Variants in ADAMTS3 observed in about 807,000 individuals in gnomAD.
ADAMTS3 encodes A disintegrin and metalloproteinase with thrombospondin motifs 3.
In ADAMTS3, 73 loss-of-function variants were observed where a neutral mutation model predicts 129.0. That is an observed-to-expected ratio of 0.57 (90% CI 0.47 to 0.69). ADAMTS3 has a LOEUF of 0.69. Among genes scored for constraint, ADAMTS3 ranks in the 30% least tolerant of loss-of-function variants. ADAMTS3 has a pLI of 0.00. For synonymous variants in ADAMTS3, 477 were observed against 510.8 expected, an observed-to-expected ratio of 0.93 and a Z score of 0.89; for missense variants, 1,457 against 1,514.5, an observed-to-expected ratio of 0.96 and a Z score of 0.63.
chr4:72,541,613 G>A (rs1721325986), intron 3 of ADAMTS3, among the ~76,000 whole-genome samples: 1 of 152,150 alleles, frequency 6.6e-6, no homozygotes, highest in Non-Finnish European at 1.5e-5. Context: ...GTCATGGGAG[G>A]TACTCAGTGA....
In ADAMTS3 at chr4:72,302,942, A is replaced by G. The variant is rs568634329; in HGVS notation, c.2424+975T>C. ...GCTGAGGCTGAGATCTGTTAGCTCA[A>G]AAGCCCTCTGATGCCAAACACAAAC... On this transcript the variant is annotated intron_variant, in intron 17 of 21. Transcript: ENST00000286657. Among the ~76,000 whole-genome samples the G allele has an allele frequency of 9.9e-5, 15 of 152,238 alleles. No individual in the cohort carries two copies. In the South Asian group the frequency reaches 2.9e-3, roughly 29 times the overall value.
At chr4:72,355,924 A>T (rs1720570564) in intron 4 of ADAMTS3, among the ~76,000 whole-genome samples, 1 of 152,040 alleles carries the variant, frequency 6.6e-6, no homozygotes, top group Non-Finnish European at 1.5e-5. Flanking sequence ...GTATGCCTTC[A>T]TCCTATCTAC....
At chr4:72,373,656 T>C (rs1721067640) in intron 4 of ADAMTS3, among the ~76,000 whole-genome samples, 1 of 152,090 alleles carries the variant, frequency 6.6e-6, no homozygotes, top group Non-Finnish European at 1.5e-5. Flanking sequence ...CCTAGCACTT[T>C]GGGAGGCCAA....
At chr4:72,343,822 G>T (rs1302563511) in intron 4 of ADAMTS3, among the ~76,000 whole-genome samples, 2 of 152,152 alleles carry the variant, frequency 1.3e-5, no homozygotes, top group Non-Finnish European at 2.9e-5. Flanking sequence ...TTCCAAAAAG[G>T]TGATGCTCAC....
intron 4 of ADAMTS3, among the ~76,000 whole-genome samples, chr4:72,345,716 G>A (rs184893096): frequency 1.2e-4 from 18 of 152,128 alleles, no homozygotes; most frequent in African/African-American, 4.1e-4. Flanking sequence ...TAACATCCGT[G>A]TGTTTGCTTT....
intron 4 of ADAMTS3, among the ~76,000 whole-genome samples, chr4:72,340,327 GTGTGTGTGTGTATGTGTA>G (rs1476054853): frequency 6.6e-6 from 1 of 151,228 alleles, no homozygotes; most frequent in Non-Finnish European, 1.5e-5. Context: ...GTGTGTGTGT[GTGTGTGTGTGTATGTGTA>G]TGTGTGTGTG....
chr4:72,533,010 T>TA (rs1721084635), intron 3 of ADAMTS3, among the ~76,000 whole-genome samples: 1 of 152,166 alleles, frequency 6.6e-6, no homozygotes, highest in African/African-American at 2.4e-5. Flanking sequence ...AAATTTATTT[T>TA]AAAAATATTT....
Position 72,319,866 on chromosome 4 carries a change from C to G in ADAMTS3, c.1200G>C (p.Thr400=). ...FSSAFVVAHE[T]GHVLGMEHDG... is the part of the protein sequence containing the mutation. ...TGTCAGCAGTGACTTACACATGGCC[C>G]GTTTCATGGGCTACTACAAAAGCAG... is the stretch of plus-strand genomic sequence containing the variant. Residue 400 remains threonine, a synonymous_variant, in exon 8 of 22, where the codon ACG becomes ACC. Transcript: ENST00000286657. 6.2e-7 allele frequency: 1 copy of G among 1,612,964 alleles called. No individual in the cohort carries two copies. The highest frequency in any genetic ancestry group is 8.5e-7 in the Non-Finnish European group (1 of 1,179,104).
In ADAMTS3 at chr4:72,325,140, C is replaced by A. The variant is rs1719667552; in HGVS notation, c.862-2043G>T. 3.3e-5 allele frequency among the ~76,000 whole-genome samples: 5 copies of A among 152,026 alleles called. No homozygotes were observed. In the South Asian group the frequency reaches 1.0e-3, roughly 32 times the overall value. On this transcript the variant is annotated intron_variant, in intron 5 of 21. Coordinates refer to ENST00000286657, the MANE Select transcript of ADAMTS3 (RefSeq NM_014243.3). ...GAAAAGAAAAACAAGAATTAATAGC[C>A]TTCATATGGAAAAGGGGTTTGATTC...
intron 5 of ADAMTS3, among the ~76,000 whole-genome samples, chr4:72,336,382 A>C (rs1345903175): frequency 6.6e-6 from 1 of 152,224 alleles, no homozygotes; most frequent in Non-Finnish European, 1.5e-5. Context: ...CATGGCCAGC[A>C]AAGGAGATAG....
intron 5 of ADAMTS3, among the ~76,000 whole-genome samples, chr4:72,338,672 A>T (rs1375232473): frequency 6.6e-6 from 1 of 152,082 alleles, no homozygotes; most frequent in Non-Finnish European, 1.5e-5. Flanking sequence ...GTTGAGAGAT[A>T]GGGAAATAAA....
intron 3 of ADAMTS3, among the ~76,000 whole-genome samples, chr4:72,455,863 ATATACACTG>A (rs1173993792): frequency 4.0e-5 from 5 of 125,242 alleles, no homozygotes; most frequent in Non-Finnish European, 8.0e-5. Flanking sequence ...TATATATAGT[ATATACACTG>A]TATATACTAT....
chr4:72,542,338 G>C (rs564357568), intron 3 of ADAMTS3, among the ~76,000 whole-genome samples: 62 of 151,952 alleles, frequency 4.1e-4, no homozygotes, highest in African/African-American at 1.4e-3. Context: ...CTAATTTTTT[G>C]TATTTATAGT....
At chr4:72,417,450 C>T (rs565939975) in intron 3 of ADAMTS3, among the ~76,000 whole-genome samples, 36 of 152,174 alleles carry the variant, frequency 2.4e-4, no homozygotes, top group Admixed American at 1.1e-3. Flanking sequence ...CCCACTAAGC[C>T]ACAGGTAAAA....
At chr4:72,296,819 T>C (rs1194788379) in intron 18 of ADAMTS3, among the ~76,000 whole-genome samples, 1 of 152,144 alleles carries the variant, frequency 6.6e-6, no homozygotes, top group African/African-American at 2.4e-5. Context: ...GGCAATCCTT[T>C]TCCAGTCAAG....
intron 3 of ADAMTS3, among the ~76,000 whole-genome samples, chr4:72,464,783 T>C (rs1718873788): frequency 6.6e-6 from 1 of 152,080 alleles, no homozygotes; most frequent in South Asian, 2.1e-4. Flanking sequence ...TTCTATGAGA[T>C]AGTTTGGAAA....
chr4:72,418,651 T>C (rs1194963537), intron 3 of ADAMTS3, among the ~76,000 whole-genome samples: 1 of 152,232 alleles, frequency 6.6e-6, no homozygotes, highest in Non-Finnish European at 1.5e-5. Context: ...TACAGTTGCA[T>C]GGCTCACAGC....
chr4:72,340,232 A>G (rs1720099586), intron 4 of ADAMTS3, among the ~76,000 whole-genome samples: 1 of 152,026 alleles, frequency 6.6e-6, no homozygotes, highest in Admixed American at 6.6e-5. Context: ...GTCACTATGT[A>G]TTGCTTTATT....
chr4:72,539,491 G>GAAAAAAAAA (rs71215438), intron 3 of ADAMTS3, among the ~76,000 whole-genome samples: 22 of 86,608 alleles, frequency 2.5e-4, no homozygotes, highest in East Asian at 7.7e-4. Context: ...GCTACTATCA[G>GAAAAAAAAA]AAAAAAAAAA....
Sources: gnomAD v4.1 joint callset for allele counts (sites outside exome capture counted in the v4.1 genomes callset) on GRCh38, gnomAD v4.1.1 for gene constraint, MANE v1.5 for transcripts, NCBI Gene and HGNC (gene_info 2026-07-23, HGNC 2026-07-21) for gene names.